The following SEZ6 variants were observed in gnomAD, a reference collection of about 807,000 sequenced individuals.
SEZ6 encodes the protein seizure related 6 homolog.
SEZ6 carries 53 observed loss-of-function variants against 101.0 expected under a neutral mutation model. The observed-to-expected ratio is 0.52, with a 90% CI of 0.42 to 0.66. SEZ6 has a LOEUF of 0.66. SEZ6 is among the 30% of genes least tolerant of loss of function. The pLI is 0.00. For missense variants in SEZ6, 1,102 were observed against 1,289.4 expected, an observed-to-expected ratio of 0.85 and a Z score of 2.23; for synonymous variants, 488 against 512.2, an observed-to-expected ratio of 0.95 and a Z score of 0.64.
intron 1 of SEZ6, among the ~76,000 whole-genome samples, chr17:28,986,091 G>T (rs943619726): frequency 6.6e-6 from 1 of 152,216 alleles, no homozygotes; most frequent in Admixed American, 6.5e-5. Context: ...CCCCGCCGCC[G>T]CCTGGGCCCT....
chr17:28,992,347 A>C (rs2041472878), intron 1 of SEZ6, among the ~76,000 whole-genome samples: 1 of 151,996 alleles, frequency 6.6e-6, no homozygotes, highest in Non-Finnish European at 1.5e-5. Flanking sequence ...GCTTCGTGTG[A>C]GCATGTGTGC....
At position 28,984,479 on chromosome 17, in the gene SEZ6, G is replaced by C. The variant is rs142354123; in HGVS notation, c.56-2440C>G. ...CTCTTCCTGGGAGAGGGAGTGCACA[G>C]AGATTCTCTAATTCAGGAAGTGTCC... is the stretch of plus-strand genomic sequence containing the variant. On this transcript the variant is annotated intron_variant, in intron 1 of 16. Coordinates refer to ENST00000317338, the MANE Select transcript of SEZ6 (RefSeq NM_178860.5). Among the ~76,000 whole-genome samples the C allele has an allele frequency of 3.6e-3, 550 of 152,310 alleles. 2 individuals are homozygous for C. Among genetic ancestry groups the C allele is most frequent in the African/African-American group, 0.013 (525 of 41,560 alleles).
At position 29,005,953 on chromosome 17, in the gene SEZ6, C is replaced by G. The variant is rs1598221742; in HGVS notation, c.-84G>C. On this transcript the variant is annotated 5_prime_UTR_variant, in exon 1 of 17. Coordinates refer to ENST00000317338, the MANE Select transcript of SEZ6 (RefSeq NM_178860.5). This position sits in a 1 kb window ranked among gnomAD's most constrained non-coding sequence, Gnocchi z 4.8. ...TGGGGCTTGGGCGCGGGGGCAGAGC[C>G]GGGTCCGGCCGGGTAGAGGGAGCGG... 1.7e-6 allele frequency: 2 copies of G among 1,189,298 alleles called. No homozygotes were observed. The highest frequency in any genetic ancestry group is 1.6e-5 in the African/African-American group (1 of 62,052). 73.7% of individuals were successfully genotyped at this position (1,189,298 alleles called of 1,614,324 possible). A position where few individuals can be genotyped will look rare whatever the true frequency, so the allele number is the denominator to read the frequency against.
In SEZ6 at chr17:28,958,056, G is replaced by A; in HGVS notation, c.2193C>T (p.Gly731=). 6 of 1,613,754 alleles carry A rather than the reference G, an allele frequency of 3.7e-6. No individual in the cohort carries two copies. Among genetic ancestry groups the A allele is most frequent in the Non-Finnish European group, 5.1e-6 (6 of 1,179,682 alleles). Reference sequence around the variant, plus strand: ...GGTAGCACTGGTAAGTGACCACGGTGCCGTGCACTAGCTCAGGCTGCGATG... The same window carrying A: ...GGTAGCACTGGTAAGTGACCACGGTACCGTGCACTAGCTCAGGCTGCGATG... ...KSPSQPELVH[G]TVVTYQCYPG... The change falls in exon 11 of 17, where the codon GGC becomes GGT. Residue 731 remains glycine (G), a synonymous_variant. Transcript: ENST00000317338.
At chr17:28,965,611 C>G (rs2041053056) in intron 4 of SEZ6, among the ~76,000 whole-genome samples, 1 of 152,116 alleles carries the variant, frequency 6.6e-6, no homozygotes, top group Admixed American at 6.5e-5. Flanking sequence ...TGCGCTCCAG[C>G]CTAGGTGACA....
intron 10 of SEZ6, among the ~76,000 whole-genome samples, chr17:28,958,566 G>C (rs2040920950): frequency 6.6e-6 from 1 of 152,192 alleles, no homozygotes; most frequent in African/African-American, 2.4e-5. Flanking sequence ...GAGGTGGGCA[G>C]ATCACTTGAA....
chr17:28,957,842 A>G (rs904887957), intron 11 of SEZ6, 105 bp downstream of exon 11: 2 of 1,306,588 alleles, frequency 1.5e-6, no homozygotes, highest in East Asian at 2.5e-5. Context: ...AGGTGAAGGA[A>G]CTTTGAAGAT....
rs1418421338 is a variant in SEZ6 at position 29,005,394 on chromosome 17, C to T, written c.55+421G>A. Among the ~76,000 whole-genome samples the T allele has an allele frequency of 6.6e-6, 1 of 152,092 alleles. No homozygotes were observed. ...GCAAAGTCGAGCGAAGTTTGGCGGGCGGCAGGGGAAGCGGGACCACGGGCC... is the reference window on the plus strand; with the variant it reads ...GCAAAGTCGAGCGAAGTTTGGCGGGTGGCAGGGGAAGCGGGACCACGGGCC... On this transcript the variant is annotated intron_variant, in intron 1 of 16. Transcript: ENST00000317338. The surrounding 1 kb of genome is among the most constrained non-coding windows in gnomAD (Gnocchi z 4.8).
At chr17:28,976,064 C>T (rs940872037) in intron 3 of SEZ6, among the ~76,000 whole-genome samples, 2 of 152,196 alleles carry the variant, frequency 1.3e-5, no homozygotes, top group Non-Finnish European at 2.9e-5. Flanking sequence ...AAGAGCCTAG[C>T]CCAATGCCTG....
intron 3 of SEZ6, among the ~76,000 whole-genome samples, chr17:28,971,004 C>T (rs1180437162): frequency 6.6e-6 from 1 of 152,208 alleles, no homozygotes; most frequent in Non-Finnish European, 1.5e-5. Flanking sequence ...TCTTCAGGCC[C>T]TCAGTCCCTT....
At position 29,005,731 on chromosome 17, in the gene SEZ6, C is replaced by G; in HGVS notation, c.55+84G>C. 1 of 1,379,506 alleles carries G rather than the reference C, an allele frequency of 7.2e-7. No individual in the cohort carries two copies. Among genetic ancestry groups the G allele is most frequent in the Non-Finnish European group, 9.6e-7 (1 of 1,041,322 alleles). The allele number at this position is 1,379,506 out of a possible 1,614,324, so 85.5% of individuals were successfully genotyped here. A position where few individuals can be genotyped will look rare whatever the true frequency, so the allele number is the denominator to read the frequency against. ...TGCTTGGACTGGGCAGCCAGATGCC[C>G]GAAGCTGGGCACCGGGTCTCCCTTC... On this transcript the variant is annotated intron_variant, in intron 1 of 16. Transcript: ENST00000317338. This position sits in a 1 kb window ranked among gnomAD's most constrained non-coding sequence, Gnocchi z 4.8.
intron 1 of SEZ6, among the ~76,000 whole-genome samples, chr17:28,983,432 T>A (rs375345648): frequency 3.3e-5 from 5 of 152,114 alleles, no homozygotes; most frequent in African/African-American, 1.2e-4. Context: ...GGCCACCTGG[T>A]CCTTAGCAAC....
intron 1 of SEZ6, among the ~76,000 whole-genome samples, chr17:28,984,037 C>A (rs1402154077): frequency 6.6e-6 from 1 of 152,204 alleles, no homozygotes; most frequent in Non-Finnish European, 1.5e-5. Context: ...CACCCCACAT[C>A]CCTGAGAAAC....
chr17:29,004,008 A>T (rs147581980), intron 1 of SEZ6, among the ~76,000 whole-genome samples: 1 of 152,108 alleles, frequency 6.6e-6, no homozygotes, highest in African/African-American at 2.4e-5. Flanking sequence ...TTCCTCCTGG[A>T]TTCCCACAGT....
In SEZ6 at chr17:28,961,070, G is replaced by A. The variant is rs117026558; in HGVS notation, c.1241-97C>T. The A allele has an allele frequency of 7.6e-3, 10,901 of 1,435,268 alleles. 61 individuals are homozygous for A. The highest frequency in any genetic ancestry group is 9.2e-3 in the Non-Finnish European group (9,804 of 1,066,794). The allele number at this position is 1,435,268 out of a possible 1,614,324, so 88.9% of individuals were successfully genotyped here. On this transcript the variant is annotated intron_variant, in intron 5 of 16. Coordinates refer to ENST00000317338, the MANE Select transcript of SEZ6 (RefSeq NM_178860.5). ...TATCCCAGCCCTATATCCTCTGCTT[G>A]GAGCAGCGGGGACCTTGCCTCCCTG...
intron 1 of SEZ6, among the ~76,000 whole-genome samples, chr17:28,983,407 G>A (rs1246168555): frequency 3.9e-5 from 6 of 152,052 alleles, no homozygotes; most frequent in Admixed American, 1.3e-4. Flanking sequence ...ATCAATTTTG[G>A]TTATTTCTTG....
At position 28,955,947 on chromosome 17, in the gene SEZ6, A is replaced by C. The variant is rs1252702364; in HGVS notation, c.*15T>G. On this transcript the variant is annotated 3_prime_UTR_variant, in exon 17 of 17. Transcript: ENST00000317338. Reference sequence around the variant, plus strand: ...GAGTTGACTTCCCTAGACTGCCCCCACCTAGATGGAGACTTCATATTCTCT... The same window carrying C: ...GAGTTGACTTCCCTAGACTGCCCCCCCCTAGATGGAGACTTCATATTCTCT... 1 of 1,611,586 alleles carries C rather than the reference A, an allele frequency of 6.2e-7. No homozygotes were observed. Among genetic ancestry groups the C allele is most frequent in the Non-Finnish European group, 8.5e-7 (1 of 1,178,906 alleles).
intron 2 of SEZ6, among the ~76,000 whole-genome samples, chr17:28,980,640 T>C (rs2041287563): frequency 6.6e-6 from 1 of 152,118 alleles, no homozygotes; most frequent in Admixed American, 6.5e-5. Flanking sequence ...AGTGCTGGGA[T>C]TACAGGCATG....
chr17:28,964,565 T>G (rs2041033481), intron 4 of SEZ6, among the ~76,000 whole-genome samples: 1 of 152,236 alleles, frequency 6.6e-6, no homozygotes, highest in African/African-American at 2.4e-5. Flanking sequence ...CAGGAAATGC[T>G]TATTGAATGA....
Sources: allele counts gnomAD v4.1 joint callset (sites outside exome capture counted in the v4.1 genomes callset), GRCh38; gene constraint gnomAD v4.1.1; non-coding constraint Gnocchi (gnomAD v3.1); transcripts MANE v1.5; gene names NCBI Gene and HGNC (gene_info 2026-07-23, HGNC 2026-07-21).